KHDC1: variants seen among roughly 807,000 people sequenced by gnomAD.
The protein encoded by KHDC1 is KH domain containing 1, also known as KH homology domain-containing protein 1.
A neutral mutation model predicts 24.7 loss-of-function variants in KHDC1; 21 were observed. The observed-to-expected ratio is 0.85, with a 90% CI of 0.60 to 1.23. The LOEUF is 1.23. KHDC1 is among the 50% of genes most tolerant of loss of function. The probability of loss-of-function intolerance (pLI) is 0.00; values close to 1 mark genes in which losing one functional copy is unlikely to be tolerated. For missense variants in KHDC1, 274 were observed against 298.5 expected (o/e 0.92, Z 0.61); for synonymous variants, 98 against 111.7 (o/e 0.88, Z 0.77).
chr6:73,271,875 A>T (rs1271587707), intron 2 of KHDC1, among the ~76,000 whole-genome samples: 2 of 151,460 alleles, frequency 1.3e-5, no homozygotes, highest in Non-Finnish European at 1.5e-5. Context: ...AGCCTGGGCA[A>T]CAGAGTGAGA....
At chr6:73,246,953 G>GAA in intron 2 of KHDC1, among the ~76,000 whole-genome samples, 1 of 141,534 alleles carries the variant, frequency 7.1e-6, no homozygotes, top group South Asian at 2.3e-4. Context: ...TTGAATTTTA[G>GAA]AAAAAAAAAA....
intron 2 of KHDC1, among the ~76,000 whole-genome samples, chr6:73,273,176 GTTTGTT>G (rs1767213903): frequency 2.3e-5 from 3 of 133,122 alleles, no homozygotes; most frequent in Non-Finnish European, 4.9e-5. Flanking sequence ...TTGTTTGTTT[GTTTGTT>G]TTTGAGACGG....
At chr6:73,267,903 C>G (rs1171486536) in intron 2 of KHDC1, 1 of 151,936 alleles carries the variant, frequency 6.6e-6, no homozygotes, top group Non-Finnish European at 1.5e-5. Context: ...ATGGCACAAT[C>G]TCAGCTCACT....
chr6:73,261,575 G>A (rs937727825), intron 2 of KHDC1, among the ~76,000 whole-genome samples: 14 of 151,498 alleles, frequency 9.2e-5, no homozygotes, highest in African/African-American at 2.9e-4. Flanking sequence ...TTTGAGACCC[G>A]CCTGGGCAAT....
chr6:73,263,978 C>T (rs1472375842), intron 2 of KHDC1, among the ~76,000 whole-genome samples: 4 of 152,152 alleles, frequency 2.6e-5, no homozygotes, highest in African/African-American at 9.7e-5. Flanking sequence ...GAGCAAGGAT[C>T]GCTTGAGCCC....
intron 1 of KHDC1, among the ~76,000 whole-genome samples, chr6:73,304,774 G>A (rs1002779749): frequency 5.3e-5 from 8 of 152,184 alleles, no homozygotes; most frequent in Non-Finnish European, 1.2e-4. Flanking sequence ...TGTGAAACAA[G>A]GTCCAGTTTC....
Position 73,303,994 on chromosome 6 carries a change from C to T in KHDC1, c.163+5558G>A, listed in dbSNP as rs537469868. Among the ~76,000 whole-genome samples the T allele has an allele frequency of 1.3e-3, 203 of 152,178 alleles. 2 individuals are homozygous for T. Among genetic ancestry groups the T allele is most frequent in the East Asian group, 5.8e-4 (3 of 5,176 alleles). On this transcript the variant is annotated intron_variant, in intron 1 of 4. Transcript: ENST00000370384. ...AAGAGCTCGAAACCAGCCTGGCCAA[C>T]GTGGGGAAACCCCTTCTCTACTAAA... is the stretch of plus-strand genomic sequence containing the variant.
chr6:73,282,898 G>A (rs7759043), intron 2 of KHDC1, among the ~76,000 whole-genome samples: 35,810 of 152,180 alleles, frequency 0.24, 4,913 homozygotes, highest in African/African-American at 0.37. Context: ...TTTGAGTAAT[G>A]ATAAAACTCT....
At chr6:73,264,365 C>T (rs1384304316) in intron 2 of KHDC1, among the ~76,000 whole-genome samples, 2 of 152,172 alleles carry the variant, frequency 1.3e-5, no homozygotes, top group African/African-American at 4.8e-5. Context: ...GAGGACTCCT[C>T]CAGTATTCTT....
chr6:73,263,611 T>TG (rs10611256), intron 2 of KHDC1, among the ~76,000 whole-genome samples: 3,313 of 141,222 alleles, frequency 0.023, 147 homozygotes, highest in African/African-American at 0.077. Flanking sequence ...GGTGTCGCGG[T>TG]GGGGGGGGGG....
intron 2 of KHDC1, among the ~76,000 whole-genome samples, chr6:73,267,882 C>G (rs1046033345): frequency 2.7e-4 from 41 of 151,968 alleles, no homozygotes; most frequent in African/African-American, 9.9e-4. Flanking sequence ...TGTTGCCCAG[C>G]CTGGAGTGCG....
At chr6:73,295,937 T>A (rs1767750121) in intron 1 of KHDC1, among the ~76,000 whole-genome samples, 1 of 148,030 alleles carries the variant, frequency 6.8e-6, no homozygotes, top group Admixed American at 6.7e-5. Flanking sequence ...AGGTCAGGAG[T>A]TCAAGACCAG....
At chr6:73,294,502 A>C (rs1767724283) in intron 1 of KHDC1, among the ~76,000 whole-genome samples, 1 of 152,174 alleles carries the variant, frequency 6.6e-6, no homozygotes, top group African/African-American at 2.4e-5. Flanking sequence ...TTGTGAATGG[A>C]GAGGACATCT....
At chr6:73,263,370 G>A in intron 2 of KHDC1, 174 bp from the exon 1 acceptor site, 1 of 797,640 alleles carries the variant, frequency 1.3e-6, no homozygotes, top group Non-Finnish European at 1.5e-6. Flanking sequence ...CAGTGGCAAT[G>A]ACCCAGACCC....
At chr6:73,271,032 T>A (rs1767169105) in intron 2 of KHDC1, among the ~76,000 whole-genome samples, 1 of 152,080 alleles carries the variant, frequency 6.6e-6, no homozygotes, top group South Asian at 2.1e-4. Flanking sequence ...ATTTTCATCG[T>A]TAATTAGTAA....
At chr6:73,301,508 TTATAA>T (rs1171763881) in intron 1 of KHDC1, 2 of 152,228 alleles carry the variant, frequency 1.3e-5, no homozygotes, top group African/African-American at 4.8e-5. Context: ...TGGAAACACC[TTATAA>T]TATACTGTCC....
At chr6:73,292,507 G>A (rs1767675232) in intron 1 of KHDC1, 1 of 769,896 alleles carries the variant, frequency 1.3e-6, no homozygotes, top group Admixed American at 1.7e-5. Flanking sequence ...AGCAGAATTG[G>A]GATGCAGACA....
intron 2 of KHDC1, among the ~76,000 whole-genome samples, chr6:73,267,891 C>T (rs541354002): frequency 6.6e-5 from 10 of 151,638 alleles, no homozygotes; most frequent in South Asian, 2.1e-4. Context: ...GCCTGGAGTG[C>T]GATGGCACAA....
At chr6:73,261,871 C>T (rs551295223) in intron 2 of KHDC1, among the ~76,000 whole-genome samples, 19 of 150,798 alleles carry the variant, frequency 1.3e-4, no homozygotes, top group East Asian at 5.9e-4. Flanking sequence ...AAGATCGCAC[C>T]ACTGCACTCC....
Sources: gnomAD v4.1 joint callset for allele counts (sites outside exome capture counted in the v4.1 genomes callset) on GRCh38, gnomAD v4.1.1 for gene constraint, MANE v1.5 for transcripts, NCBI Gene and HGNC (gene_info 2026-07-23, HGNC 2026-07-21) for gene names.